Variants in EVC observed in about 807,000 individuals in gnomAD.
The protein encoded by EVC is EvC ciliary complex subunit 1.
In EVC, 116 loss-of-function variants were observed where a neutral mutation model predicts 118.9. The ratio of observed to expected loss-of-function variants is 0.98; its 90% confidence interval spans 0.84 to 1.14. EVC has a LOEUF of 1.14. EVC is among the 50% of genes most tolerant of loss of function. The pLI, the probability that EVC is intolerant of heterozygous loss-of-function variation, is 0.00. For synonymous variants in EVC, 619 were observed against 534.7 expected, an observed-to-expected ratio of 1.16 and a Z score of -2.18; for missense variants, 1,401 against 1,246.4, an observed-to-expected ratio of 1.12 and a Z score of -1.87.
At chr4:5,791,876 C>G (rs1285487443) in intron 12 of EVC, among the ~76,000 whole-genome samples, 1 of 152,194 alleles carries the variant, frequency 6.6e-6, no homozygotes, top group Non-Finnish European at 1.5e-5. Flanking sequence ...CCAAGCCTGG[C>G]TTCATTAAGC....
intron 12 of EVC, among the ~76,000 whole-genome samples, chr4:5,787,243 C>T (rs947225616): frequency 1.3e-5 from 2 of 152,198 alleles, no homozygotes; most frequent in African/African-American, 4.8e-5. Flanking sequence ...CTATAATGGC[C>T]CCCCAGAGAG....
intron 7 of EVC, among the ~76,000 whole-genome samples, chr4:5,747,299 C>G (rs577564269): frequency 6.6e-5 from 10 of 152,264 alleles, no homozygotes; most frequent in Admixed American, 5.9e-4. Context: ...ATGCCCAGTC[C>G]AGCCAGAAGT....
the EVC span, among the ~76,000 whole-genome samples, chr4:5,827,252 C>A: frequency 6.6e-6 from 1 of 152,240 alleles, no homozygotes. Context: ...AGGGGTGTGT[C>A]TGCCTCTTCA....
rs1730010064 is a variant in EVC at position 5,749,384 on chromosome 4, C to T, written c.1098+1078C>T. On this transcript the variant is annotated intron_variant, in intron 8 of 20. Transcript: ENST00000264956. This position sits in a 1 kb window ranked among gnomAD's most constrained non-coding sequence, Gnocchi z 4.4. ...AAGGTCCCTCCTTATTTTTGTGAAG[C>T]CTGCCAACCACAGATAAGCAAAAAA... Among the ~76,000 whole-genome samples, 1 of 149,976 alleles carries T rather than the reference C, an allele frequency of 6.7e-6. No individual in the cohort carries two copies. Among genetic ancestry groups the T allele is most frequent in the Non-Finnish European group, 1.5e-5 (1 of 67,760 alleles).
chr4:5,732,864 A>G (rs576378202), intron 4 of EVC, among the ~76,000 whole-genome samples: 3 of 152,022 alleles, frequency 2.0e-5, no homozygotes, highest in South Asian at 2.1e-4. Context: ...TCCAAAATCA[A>G]CCGGGTATGG....
At chr4:5,786,832 A>G (rs956663281) in intron 12 of EVC, among the ~76,000 whole-genome samples, 2 of 149,960 alleles carry the variant, frequency 1.3e-5, no homozygotes, top group African/African-American at 4.9e-5. Flanking sequence ...AGATCACGCC[A>G]CTGAACTCCA....
intron 1 of EVC, among the ~76,000 whole-genome samples, chr4:5,714,521 T>A (rs1268419052): frequency 6.8e-6 from 1 of 147,108 alleles, no homozygotes; most frequent in East Asian, 2.0e-4. Flanking sequence ...TTTGGCTGCG[T>A]GCAATAGCCG....
chr4:5,810,501 C>A, intron 20 of EVC, 51 bp downstream of exon 20: 2 of 1,404,414 alleles, frequency 1.4e-6, no homozygotes, highest in Non-Finnish European at 2.0e-6. Flanking sequence ...GGTAAATGCA[C>A]TCAGCTGCTG....
intron 12 of EVC, among the ~76,000 whole-genome samples, chr4:5,791,711 C>A (rs1466887082): frequency 6.6e-6 from 1 of 151,956 alleles, no homozygotes; most frequent in Non-Finnish European, 1.5e-5. Flanking sequence ...ATTGAACAAC[C>A]AACCACCGAG....
intron 13 of EVC, among the ~76,000 whole-genome samples, chr4:5,795,613 T>C (rs1045290215): frequency 2.6e-5 from 4 of 152,056 alleles, no homozygotes; most frequent in South Asian, 2.1e-4. Flanking sequence ...GATCGCACCA[T>C]TGCACTCCAG....
rs547516758 is a variant in EVC, at chr4:5,812,367, G to T, written c.*1330G>T. On this transcript the variant is annotated 3_prime_UTR_variant, in exon 21 of 21. Coordinates refer to ENST00000264956, the MANE Select transcript of EVC (RefSeq NM_153717.3). Reference sequence around the variant, plus strand: ...TTTCCCACCGGGAGAGGAACTTCCAGACCAGCCCCTCACACCACAGCCAGG... The same window carrying T: ...TTTCCCACCGGGAGAGGAACTTCCATACCAGCCCCTCACACCACAGCCAGG... 6.1e-6 allele frequency: 1 copy of T among 163,746 alleles called. No individual in the cohort carries two copies. The highest frequency in any genetic ancestry group is 1.4e-4 in the South Asian group (1 of 7,022). 10.1% of individuals were successfully genotyped at this position (163,746 alleles called of 1,614,324 possible).
chr4:5,826,149 A>C, the EVC span: 1 of 157,286 alleles, frequency 6.4e-6, no homozygotes, highest in Non-Finnish European at 1.4e-5. Context: ...CATACACACA[A>C]AGCTTCATGC....
intron 11 of EVC, among the ~76,000 whole-genome samples, chr4:5,760,639 G>A (rs762406029): frequency 1.3e-5 from 2 of 152,064 alleles, no homozygotes; most frequent in South Asian, 2.1e-4. Context: ...TGCAACCTCC[G>A]CCTCCTGGGT....
At position 5,719,387 on chromosome 4, in the gene EVC, T is replaced by C; in HGVS notation, c.300+14T>C. On this transcript the variant is annotated intron_variant, in intron 2 of 20. Transcript: ENST00000264956. The surrounding 1 kb of genome is among the most constrained non-coding windows in gnomAD (Gnocchi z 4.7). Reference sequence around the variant, plus strand: ...GAAGCTGTTGATGTAAGCTTGGTGTTGATGTTTGTTTGTGGAGGCACATGT... The same window carrying C: ...GAAGCTGTTGATGTAAGCTTGGTGTCGATGTTTGTTTGTGGAGGCACATGT... The C allele has an allele frequency of 6.2e-7, 1 of 1,613,990 alleles. No individual in the cohort carries two copies. The highest frequency in any genetic ancestry group is 8.5e-7 in the Non-Finnish European group (1 of 1,179,954).
At chr4:5,804,180 C>T in intron 16 of EVC, among the ~76,000 whole-genome samples, 1 of 152,122 alleles carries the variant, frequency 6.6e-6, no homozygotes, top group East Asian at 1.9e-4. Context: ...TCAGGTGATC[C>T]ACCCATCTCG....
chr4:5,809,369 T>C, intron 18 of EVC, 149 bp from the exon 19 acceptor site: 2 of 717,034 alleles, frequency 2.8e-6, no homozygotes, highest in Non-Finnish European at 5.0e-6. Context: ...TCCTCTCCTC[T>C]CTGGGATGTA....
chr4:5,792,261 A>G (rs1712932844), intron 12 of EVC, among the ~76,000 whole-genome samples: 1 of 152,254 alleles, frequency 6.6e-6, no homozygotes, highest in Non-Finnish European at 1.5e-5. Flanking sequence ...GCTATGTGGC[A>G]TTACAGGAGA....
intron 11 of EVC, among the ~76,000 whole-genome samples, chr4:5,773,140 C>T (rs1457428958): frequency 2.0e-5 from 3 of 152,282 alleles, no homozygotes; most frequent in East Asian, 1.9e-4. Flanking sequence ...GCAAAATGAA[C>T]GTATGCATGC....
At chr4:5,785,906 AG>A (rs1736346601) in intron 12 of EVC, among the ~76,000 whole-genome samples, 1 of 152,128 alleles carries the variant, frequency 6.6e-6, no homozygotes, top group Non-Finnish European at 1.5e-5. Flanking sequence ...TTGGGGAGGG[AG>A]GAGGACCTGG....
Sources: gnomAD v4.1 joint callset for allele counts (sites outside exome capture counted in the v4.1 genomes callset) on GRCh38, gnomAD v4.1.1 for gene constraint, Gnocchi (gnomAD v3.1) non-coding constraint, MANE v1.5 for transcripts, NCBI Gene and HGNC (gene_info 2026-07-23, HGNC 2026-07-21) for gene names.